NEMP2: variants seen among roughly 807,000 people sequenced by gnomAD.
The protein encoded by NEMP2 is nuclear envelope integral membrane protein 2, also known as UPF0571 transmembrane protein.
NEMP2 carries 53 observed loss-of-function variants against 54.2 expected under a neutral mutation model. That is an observed-to-expected ratio of 0.98 (90% confidence interval 0.78 to 1.23). NEMP2 has a LOEUF of 1.23. Ranked by LOEUF, NEMP2 falls within the 50% of genes most tolerant of loss-of-function variation. The probability of loss-of-function intolerance (pLI) is 0.00; values close to 1 mark genes in which losing one functional copy is unlikely to be tolerated. For synonymous variants in NEMP2, 197 were observed against 190.3 expected (o/e 1.04, Z -0.29); for missense variants, 455 against 511.3 (o/e 0.89, Z 1.06).
chr2:190,600,041 ATC>A, the NEMP2 span, among the ~76,000 whole-genome samples: 32 of 152,126 alleles, frequency 2.1e-4, no homozygotes, highest in Non-Finnish European at 4.4e-4. This position sits in a 1 kb window ranked among gnomAD's most constrained non-coding sequence, Gnocchi z 4.9. Context: ...CACTTCCTAC[ATC>A]TCTCACTGGT....
chr2:190,546,181 C>A, the NEMP2 span, among the ~76,000 whole-genome samples: 1 of 152,134 alleles, frequency 6.6e-6, no homozygotes, highest in Non-Finnish European at 1.5e-5. The surrounding 1 kb of genome is among the most constrained non-coding windows in gnomAD (Gnocchi z 5.1). Flanking sequence ...TCTGTGTGTT[C>A]CGCATCCATG....
the NEMP2 span, among the ~76,000 whole-genome samples, chr2:190,554,348 A>C: frequency 6.6e-6 from 1 of 152,176 alleles, no homozygotes; most frequent in South Asian, 2.1e-4. This position sits in a 1 kb window ranked among gnomAD's most constrained non-coding sequence, Gnocchi z 5.7. Context: ...CAGGGAGCCA[A>C]GTGGTCTGGC....
the NEMP2 span, among the ~76,000 whole-genome samples, chr2:190,429,444 G>A: frequency 4.6e-5 from 7 of 151,586 alleles, no homozygotes; most frequent in Non-Finnish European, 8.8e-5. Context: ...TCCTGCCTCA[G>A]CCTCCCAAGC....
the NEMP2 span, chr2:190,464,914 TGGGGGA>T: frequency 9.5e-6 from 6 of 633,512 alleles, no homozygotes; most frequent in Non-Finnish European, 1.1e-5. Flanking sequence ...TTGGTGGGGG[TGGGGGA>T]GGGTGGATTT....
Position 190,507,043 on chromosome 2 carries a change from A to C in NEMP2, c.*2146T>G, listed in dbSNP as rs1310384083. 6.6e-6 allele frequency: 1 copy of C among 152,228 alleles called. No individual in the cohort carries two copies. Among genetic ancestry groups the C allele is most frequent in the Non-Finnish European group, 1.5e-5 (1 of 68,036 alleles). 9.4% of individuals were successfully genotyped at this position (152,228 alleles called of 1,614,324 possible). A position where few individuals can be genotyped will look rare whatever the true frequency, so the allele number is the denominator to read the frequency against. On this transcript the variant is annotated 3_prime_UTR_variant, in exon 9 of 9. Transcript: ENST00000409150. This position sits in a 1 kb window ranked among gnomAD's most constrained non-coding sequence, Gnocchi z 4.4. ...CATTTCTTGGAAGAGTTATCTGTAC[A>C]TTGCTTGATGGGGATTAGAATTGTG...
At chr2:190,511,077 G>C (rs1456290039) in intron 7 of NEMP2, among the ~76,000 whole-genome samples, 1 of 152,130 alleles carries the variant, frequency 6.6e-6, no homozygotes, top group East Asian at 1.9e-4. Context: ...TAAGGTATTT[G>C]AGAATCAATT....
chr2:190,486,750 C>A, the NEMP2 span, among the ~76,000 whole-genome samples: 1 of 152,140 alleles, frequency 6.6e-6, no homozygotes, highest in Non-Finnish European at 1.5e-5. Context: ...TTCCAAAATA[C>A]GAGTTAAGAG....
At chr2:190,497,381 T>C in the NEMP2 span, 1 of 1,556,766 alleles carries the variant, frequency 6.4e-7, no homozygotes, top group African/African-American at 1.4e-5. This position sits in a 1 kb window ranked among gnomAD's most constrained non-coding sequence, Gnocchi z 5.2. Flanking sequence ...TATTTTTACC[T>C]TTGTTCAAAT....
the NEMP2 span, chr2:190,497,888 G>A: frequency 5.8e-5 from 42 of 729,158 alleles, 2 homozygotes; most frequent in South Asian, 8.2e-4. The surrounding 1 kb of genome is among the most constrained non-coding windows in gnomAD (Gnocchi z 5.2). Flanking sequence ...TAAAGAGGGT[G>A]TATACAAGGT....
chr2:190,626,152 A>G, the NEMP2 span: 1 of 152,148 alleles, frequency 6.6e-6, no homozygotes, highest in Non-Finnish European at 1.5e-5. The surrounding 1 kb of genome is among the most constrained non-coding windows in gnomAD (Gnocchi z 4.5). Context: ...TTATAAGGGC[A>G]CTAATCTTAT....
chr2:190,525,884 C>G lies in NEMP2; in HGVS notation c.98-506G>C, dbSNP rs982074918. Among the ~76,000 whole-genome samples the G allele has an allele frequency of 6.6e-6, 1 of 152,116 alleles. No homozygotes were observed. The highest frequency in any genetic ancestry group is 6.5e-5 in the Admixed American group (1 of 15,282). On this transcript the variant is annotated intron_variant, in intron 1 of 8. Coordinates refer to ENST00000409150, the MANE Select transcript of NEMP2 (RefSeq NM_001142645.2). This position sits in a 1 kb window ranked among gnomAD's most constrained non-coding sequence, Gnocchi z 5.0. ...AGGGATACAAGAAGACATTTGAACA[C>G]CTGTAGCTGGAGTGGTAAACCATAG...
the NEMP2 span, among the ~76,000 whole-genome samples, chr2:190,589,145 G>A: frequency 1.3e-5 from 2 of 152,132 alleles, no homozygotes; most frequent in Non-Finnish European, 2.9e-5. This position sits in a 1 kb window ranked among gnomAD's most constrained non-coding sequence, Gnocchi z 4.3. Context: ...TGGACTACAA[G>A]TCTCTCTGAC....
At chr2:190,424,046 G>T in the NEMP2 span, among the ~76,000 whole-genome samples, 5 of 152,110 alleles carry the variant, frequency 3.3e-5, no homozygotes, top group Non-Finnish European at 7.4e-5. The surrounding 1 kb of genome is among the most constrained non-coding windows in gnomAD (Gnocchi z 5.9). Context: ...TCCTTCGCTG[G>T]ATTTGTGGTT....
At chr2:190,615,617 T>TC in the NEMP2 span, among the ~76,000 whole-genome samples, 1 of 152,316 alleles carries the variant, frequency 6.6e-6, no homozygotes, top group Admixed American at 6.5e-5. This position sits in a 1 kb window ranked among gnomAD's most constrained non-coding sequence, Gnocchi z 4.7. Flanking sequence ...TGAGTCAACC[T>TC]TCAGCCCCTA....
At chr2:190,593,915 T>C in the NEMP2 span, among the ~76,000 whole-genome samples, 1 of 152,238 alleles carries the variant, frequency 6.6e-6, no homozygotes, top group South Asian at 2.1e-4. This position sits in a 1 kb window ranked among gnomAD's most constrained non-coding sequence, Gnocchi z 4.5. Flanking sequence ...CCCCAAAATC[T>C]ACTGTTAACT....
the NEMP2 span, chr2:190,489,765 T>C: frequency 0.28 from 452,850 of 1,612,636 alleles, 69,233 homozygotes; most frequent in Admixed American, 0.57. The surrounding 1 kb of genome is among the most constrained non-coding windows in gnomAD (Gnocchi z 6.6). Context: ...TTTGTTTTTA[T>C]AGGGGCTGCT....
At chr2:190,609,932 T>C in the NEMP2 span, 2 of 152,194 alleles carry the variant, frequency 1.3e-5, no homozygotes, top group Non-Finnish European at 2.9e-5. This position sits in a 1 kb window ranked among gnomAD's most constrained non-coding sequence, Gnocchi z 4.7. Context: ...TGCTGTTTTC[T>C]TCTAAAGTTT....
the NEMP2 span, among the ~76,000 whole-genome samples, chr2:190,577,132 T>TG: frequency 3.3e-5 from 5 of 151,872 alleles, no homozygotes; most frequent in South Asian, 6.3e-4. This position sits in a 1 kb window ranked among gnomAD's most constrained non-coding sequence, Gnocchi z 4.8. Flanking sequence ...ACAGCGTTAG[T>TG]GGGGAAAAAT....
At position 190,510,540 on chromosome 2, in the gene NEMP2, A is replaced by C; in HGVS notation, c.954-3T>G. On this transcript the variant is annotated splice_polypyrimidine_tract_variant and splice_region_variant and intron_variant, in intron 7 of 8. Transcript: ENST00000409150. This position sits in a 1 kb window ranked among gnomAD's most constrained non-coding sequence, Gnocchi z 5.7. ...ATGTAAACCACTGCTCCATTTTCCT[A>C]AAACATGGCATGTGGTTGCAGGATT... 6.4e-7 allele frequency: 1 copy of C among 1,551,844 alleles called. No individual in the cohort carries two copies. Among genetic ancestry groups the C allele is most frequent in the Non-Finnish European group, 8.7e-7 (1 of 1,146,984 alleles).
Sources: gnomAD v4.1 joint callset for allele counts (sites outside exome capture counted in the v4.1 genomes callset) on GRCh38, gnomAD v4.1.1 for gene constraint, Gnocchi (gnomAD v3.1) non-coding constraint, MANE v1.5 for transcripts, NCBI Gene and HGNC (gene_info 2026-07-23, HGNC 2026-07-21) for gene names.